The following NLGN1 variants were observed in gnomAD, a reference collection of about 807,000 sequenced individuals.
NLGN1 encodes the protein neuroligin-1.
In NLGN1, 12 loss-of-function variants were observed where a neutral mutation model predicts 65.5. That is an observed-to-expected ratio of 0.18 (90% CI 0.12 to 0.30). The LOEUF (loss-of-function observed/expected upper bound fraction) is 0.30. Among genes scored for constraint, NLGN1 ranks in the 10% least tolerant of loss-of-function variants. The probability of loss-of-function intolerance (pLI) is 1.00; values close to 1 mark genes in which losing one functional copy is unlikely to be tolerated. For missense variants in NLGN1, 750 were observed against 1,007.1 expected, an observed-to-expected ratio of 0.74 and a Z score of 3.46; for synonymous variants, 350 against 359.5, an observed-to-expected ratio of 0.97 and a Z score of 0.30.
chr3:173,965,438 C>T (rs573607458), intron 4 of NLGN1, among the ~76,000 whole-genome samples: 2 of 151,648 alleles, frequency 1.3e-5, no homozygotes, highest in Non-Finnish European at 2.9e-5. Flanking sequence ...ATGCTTCAGC[C>T]TCTGTAGTAG....
chr3:174,191,372 T>A (rs1205800949), intron 4 of NLGN1, among the ~76,000 whole-genome samples: 1 of 152,176 alleles, frequency 6.6e-6, no homozygotes, highest in Admixed American at 6.6e-5. Flanking sequence ...CAGTAGATAA[T>A]TATTTTTTAG....
chr3:174,016,513 C>T (rs1726585808), intron 4 of NLGN1, among the ~76,000 whole-genome samples: 1 of 152,116 alleles, frequency 6.6e-6, no homozygotes, highest in Non-Finnish European at 1.5e-5. Flanking sequence ...CAGCAACCAT[C>T]GCTGGAGCTG....
At chr3:173,634,057 A>G (rs889759852) in intron 3 of NLGN1, among the ~76,000 whole-genome samples, 2 of 152,178 alleles carry the variant, frequency 1.3e-5, no homozygotes, top group East Asian at 1.9e-4. Flanking sequence ...TGTATCTGCC[A>G]ATAAAGGTAA....
chr3:173,677,082 C>T (rs1236039878), intron 3 of NLGN1, among the ~76,000 whole-genome samples: 1 of 152,024 alleles, frequency 6.6e-6, no homozygotes, highest in Non-Finnish European at 1.5e-5. Flanking sequence ...AGACCTGAGA[C>T]TTAGGGAAAG....
intron 3 of NLGN1, among the ~76,000 whole-genome samples, chr3:173,756,604 G>A (rs1777162238): frequency 6.6e-6 from 1 of 151,732 alleles, no homozygotes; most frequent in South Asian, 2.1e-4. Flanking sequence ...GAAGCAGTGA[G>A]CATAAAAATT....
At chr3:173,731,407 C>G (rs1464713337) in intron 3 of NLGN1, among the ~76,000 whole-genome samples, 1 of 152,078 alleles carries the variant, frequency 6.6e-6, no homozygotes, top group South Asian at 2.1e-4. Flanking sequence ...TGGAAATGCA[C>G]AAATCGTATA....
chr3:173,463,289 G>A (rs1218046677), intron 2 of NLGN1, among the ~76,000 whole-genome samples: 1 of 152,126 alleles, frequency 6.6e-6, no homozygotes. Context: ...ATTATTCATT[G>A]TAAACAACCT....
intron 4 of NLGN1, among the ~76,000 whole-genome samples, chr3:173,913,232 A>G (rs912403578): frequency 2.6e-5 from 4 of 152,186 alleles, no homozygotes; most frequent in Non-Finnish European, 5.9e-5. Context: ...CACACCAAAG[A>G]AAGAGTAAGT....
intron 4 of NLGN1, among the ~76,000 whole-genome samples, chr3:173,950,508 C>G (rs1747985803): frequency 6.6e-6 from 1 of 152,108 alleles, no homozygotes; most frequent in Non-Finnish European, 1.5e-5. Flanking sequence ...GATGTTCAAA[C>G]TTGTTCTAAA....
chr3:173,929,791 G>GC (rs1394330476), intron 4 of NLGN1, among the ~76,000 whole-genome samples: 2 of 150,078 alleles, frequency 1.3e-5, no homozygotes, highest in Middle Eastern at 3.4e-3. Flanking sequence ...CGCAACTTCT[G>GC]CCTCTCGGGT....
chr3:173,766,196 C>G (rs1778766556), intron 3 of NLGN1, among the ~76,000 whole-genome samples: 1 of 150,968 alleles, frequency 6.6e-6, no homozygotes, highest in East Asian at 2.0e-4. Context: ...TCAAGCAATT[C>G]TCCTGCCTCA....
At chr3:174,014,718 A>C (rs291922) in intron 4 of NLGN1, among the ~76,000 whole-genome samples, 146,057 of 152,216 alleles carry the variant, frequency 0.96, 70,129 homozygotes, top group East Asian at 1. Context: ...AACCCTAGTT[A>C]AGAAGCATTA....
At chr3:173,726,309 G>C (rs1430021696) in intron 3 of NLGN1, among the ~76,000 whole-genome samples, 1 of 151,864 alleles carries the variant, frequency 6.6e-6, no homozygotes, top group Non-Finnish European at 1.5e-5. Flanking sequence ...ACAGGGGTAA[G>C]AAGACATGAG....
At chr3:173,449,501 A>C (rs1187054121) in intron 2 of NLGN1, among the ~76,000 whole-genome samples, 2 of 152,156 alleles carry the variant, frequency 1.3e-5, no homozygotes, top group African/African-American at 2.4e-5. Flanking sequence ...TCAATTTTGT[A>C]ATAGGTGTGG....
At chr3:173,809,482 G>A (rs982281856) in intron 4 of NLGN1, among the ~76,000 whole-genome samples, 1 of 152,062 alleles carries the variant, frequency 6.6e-6, no homozygotes, top group Non-Finnish European at 1.5e-5. Context: ...TGGCCAGTTT[G>A]CCAGATGAAA....
At chr3:173,629,659 C>T (rs1424078768) in intron 3 of NLGN1, among the ~76,000 whole-genome samples, 3 of 152,026 alleles carry the variant, frequency 2.0e-5, no homozygotes, top group Non-Finnish European at 4.4e-5. Context: ...GGGCTTTTAG[C>T]AAGTTGTATA....
At position 173,982,205 on chromosome 3, in the gene NLGN1, G is replaced by A. The variant is rs1718932752; in HGVS notation, c.646+174373G>A. Among the ~76,000 whole-genome samples the A allele has an allele frequency of 1.3e-5, 2 of 151,998 alleles. 1 individual carries two copies. Among genetic ancestry groups the A allele is most frequent in the South Asian group, 4.1e-4 (2 of 4,832 alleles). ...AACCATTAACGTGTGCCTTTCTTTG[G>A]TTTGGTATAAATATTAACTCCAGGA... is the stretch of plus-strand genomic sequence containing the variant. On this transcript the variant is annotated intron_variant, in intron 4 of 6. Transcript: ENST00000457714.
intron 1 of NLGN1, among the ~76,000 whole-genome samples, chr3:173,401,163 G>A (rs113002629): frequency 0.018 from 2,670 of 152,140 alleles, 62 homozygotes; most frequent in African/African-American, 0.057. Flanking sequence ...GGAGTGTACT[G>A]TACATTATAG....
chr3:173,835,288 T>C (rs1292640389), intron 4 of NLGN1, among the ~76,000 whole-genome samples: 2 of 152,154 alleles, frequency 1.3e-5, no homozygotes, highest in African/African-American at 2.4e-5. Flanking sequence ...TAAGAAATAA[T>C]AATTATGCAT....
Sources: allele counts gnomAD v4.1 joint callset (sites outside exome capture counted in the v4.1 genomes callset), GRCh38; gene constraint gnomAD v4.1.1; transcripts MANE v1.5; gene names NCBI Gene and HGNC (gene_info 2026-07-23, HGNC 2026-07-21).